SF1: variants seen among roughly 807,000 people sequenced by gnomAD.
The protein encoded by SF1 is splicing factor 1.
SF1 carries 7 observed loss-of-function variants against 62.5 expected under a neutral mutation model. The observed-to-expected ratio is 0.11, with a 90% CI of 0.06 to 0.21. The LOEUF (loss-of-function observed/expected upper bound fraction) is 0.21. SF1 is among the 10% of genes least tolerant of loss of function. The pLI is 1.00. For missense variants in SF1, 578 were observed against 884.0 expected (o/e 0.65, Z 4.39); for synonymous variants, 394 against 323.6 (o/e 1.22, Z -2.33).
chr11:64,769,399 G>A lies in SF1; in HGVS notation c.663+27C>T, dbSNP rs561102220. On this transcript the variant is annotated intron_variant, in intron 6 of 12. Coordinates refer to ENST00000377390, the MANE Select transcript of SF1 (RefSeq NM_004630.4). ...GCCTCCACCTAGGTTTCTGCTAGGAGGCTTCCTTTCTGGGCTCACCGCTCA... is the reference window on the plus strand; with the variant it reads ...GCCTCCACCTAGGTTTCTGCTAGGAAGCTTCCTTTCTGGGCTCACCGCTCA... The A allele has an allele frequency of 5.0e-6, 8 of 1,613,656 alleles. No homozygotes were observed. The Admixed American group carries it at 1.2e-4, about 24-fold the overall frequency.
At chr11:64,766,229 TG>T in intron 12 of SF1, 74 bp from the exon 13 acceptor site, 1 of 852,014 alleles carries the variant, frequency 1.2e-6, no homozygotes, top group Non-Finnish European at 1.6e-6. Context: ...TGCCTTGGGA[TG>T]GGGGCGAGGG....
At position 64,765,405 on chromosome 11, in the gene SF1, A is replaced by C; in HGVS notation, c.*413T>G. ...AAAAATAACTCAGGCTGCTTTGCCG[A>C]ACCATCCTGTCCACCAGGGGCGTTG... On this transcript the variant is annotated 3_prime_UTR_variant, in exon 13 of 13. Coordinates refer to ENST00000377390, the MANE Select transcript of SF1 (RefSeq NM_004630.4). 7.2e-7 allele frequency: 1 copy of C among 1,394,694 alleles called. No individual in the cohort carries two copies. The highest frequency in any genetic ancestry group is 1.0e-6 in the Non-Finnish European group (1 of 982,552). The allele number at this position is 1,394,694 out of a possible 1,614,324, so 86.4% of individuals were successfully genotyped here.
At chr11:64,777,810 T>C (rs1013887710) in intron 1 of SF1, 155 of 878,592 alleles carry the variant, frequency 1.8e-4, no homozygotes, top group Middle Eastern at 1.7e-3. Flanking sequence ...ACAGCGCGCG[T>C]GCGCACTCGA....
At position 64,767,577 on chromosome 11, in the gene SF1, G is replaced by A. The variant is rs931843023; in HGVS notation, c.1336C>T (p.Pro446Ser). ...PHPPGHHGPP[P>S]MDQYLGSTPV... ...TGGTCTGACACTTACTTACCCATTG[G>A]AGGAGGGCCATGGTGCCCAGGAGGG... Residue 446 changes from proline (P) to serine (S), a missense_variant, in exon 10 of 13, where the codon CCA becomes TCA. By Grantham distance (74) the Pro-to-Ser change is moderately conservative. Transcript: ENST00000377390. 8 of 1,557,194 alleles carry A rather than the reference G, an allele frequency of 5.1e-6. No homozygotes were observed. Among genetic ancestry groups the A allele is most frequent in the Non-Finnish European group, 6.9e-6 (8 of 1,155,018 alleles).
rs907888306 is a variant in SF1 at position 64,765,645 on chromosome 11, C to A, written c.*173G>T. The A allele has an allele frequency of 6.7e-6, 10 of 1,491,768 alleles. No homozygotes were observed. Among genetic ancestry groups the A allele is most frequent in the Non-Finnish European group, 8.9e-6 (10 of 1,128,706 alleles). The allele number at this position is 1,491,768 out of a possible 1,614,324, so 92.4% of individuals were successfully genotyped here. A position where few individuals can be genotyped will look rare whatever the true frequency, so the allele number is the denominator to read the frequency against. ...GCGCCCCTACTACCACCTGCCCGTT[C>A]CCAAGCGAATCCTCAGTCGCTTGGC... On this transcript the variant is annotated 3_prime_UTR_variant, in exon 13 of 13. Coordinates refer to ENST00000377390, the MANE Select transcript of SF1 (RefSeq NM_004630.4).
Position 64,766,095 on chromosome 11 carries a change from T to C in SF1, c.1643A>G (p.Gln548Arg). ...TCCTGGAGAAGCTGCGGCAGCCGCC[T>C]GCTGCTGTTGCCATGGCGGGATGGA... ...TGSIPPWQQQ[Q>R]AAAAASPGAP... Residue 548 changes from glutamine to arginine, a missense_variant, in exon 13 of 13, where the codon CAG becomes CGG. By Grantham distance (43) the Gln-to-Arg change is conservative. Around this residue, in one of 7 missense-constraint regions of SF1, gnomAD observed 410 missense variants for 452.4 expected, o/e 0.91. Coordinates refer to ENST00000377390, the MANE Select transcript of SF1 (RefSeq NM_004630.4). 1 of 1,610,906 alleles carries C rather than the reference T, an allele frequency of 6.2e-7. No homozygotes were observed.
At chr11:64,772,262 T>C in intron 3 of SF1, 1 of 984,082 alleles carries the variant, frequency 1.0e-6, no homozygotes, top group Non-Finnish European at 1.2e-6. Context: ...GACATATTAT[T>C]AAAGGGAAAA....
rs375448854 is a variant in SF1 at position 64,770,240 on chromosome 11, G to C, written c.389+16C>G. ...GCATGTGTCTTCATCCCAGATGACC[G>C]AGCCCCTCCGCTTACTTGTAATCTG... On this transcript the variant is annotated intron_variant, in intron 4 of 12. Coordinates refer to ENST00000377390, the MANE Select transcript of SF1 (RefSeq NM_004630.4). The C allele has an allele frequency of 1.2e-6, 2 of 1,608,466 alleles. No individual in the cohort carries two copies. The highest frequency in any genetic ancestry group is 1.3e-5 in the African/African-American group (1 of 74,946).
At chr11:64,771,681 C>T (rs1938342215) in intron 3 of SF1, 1 of 985,400 alleles carries the variant, frequency 1.0e-6, no homozygotes, top group South Asian at 4.7e-5. Flanking sequence ...TGAACAAAAG[C>T]AAACATACCC....
intron 3 of SF1, 200 bp downstream of exon 3, chr11:64,773,230 A>G: frequency 7.2e-7 from 1 of 1,384,886 alleles, no homozygotes; most frequent in East Asian, 3.0e-5. Context: ...TTATTCTCCC[A>G]ACATTTTTAA....
chr11:64,767,267 G>A lies in SF1; in HGVS notation c.1343-16C>T, dbSNP rs747683770. The A allele has an allele frequency of 3.7e-6, 6 of 1,613,418 alleles. No homozygotes were observed. Among genetic ancestry groups the A allele is most frequent in the Non-Finnish European group, 5.1e-6 (6 of 1,179,476 alleles). ...AGGTACTGATCTTGATGGAAGGAAA[G>A]AGCAGGGACTTAGCAGGACATTGGA... is the stretch of plus-strand genomic sequence containing the variant. On this transcript the variant is annotated splice_polypyrimidine_tract_variant and intron_variant, in intron 10 of 12. Transcript: ENST00000377390.
intron 4 of SF1, 95 bp downstream of exon 4, chr11:64,770,161 G>A (rs1938076250): frequency 6.4e-7 from 1 of 1,555,892 alleles, no homozygotes; most frequent in Non-Finnish European, 8.9e-7. Flanking sequence ...GTGACTTGAG[G>A]CAAGAGGTGA....
rs1937645218 is a variant in SF1, at chr11:64,768,100, G to T, written c.1068+6C>A. 7.5e-6 allele frequency: 12 copies of T among 1,605,736 alleles called. No individual in the cohort carries two copies. Among genetic ancestry groups the T allele is most frequent in the Non-Finnish European group, 1.0e-5 (12 of 1,176,012 alleles). ...CCAGACCAAGAGAGCCAGCCCCCAG[G>T]CTCACCGGTGGAGGTGGGTTGTTGG... On this transcript the variant is annotated splice_donor_region_variant and intron_variant, in intron 9 of 12. Coordinates refer to ENST00000377390, the MANE Select transcript of SF1 (RefSeq NM_004630.4).
At chr11:64,776,816 G>C (rs1939334923) in intron 1 of SF1, among the ~76,000 whole-genome samples, 190 bp from the exon 2 acceptor site, 1 of 152,092 alleles carries the variant, frequency 6.6e-6, no homozygotes, top group Non-Finnish European at 1.5e-5. Context: ...GCCACTACAA[G>C]GGTATGTGGT....
chr11:64,775,995 G>A (rs1341913496), intron 2 of SF1: 3 of 157,402 alleles, frequency 1.9e-5, no homozygotes, highest in Non-Finnish European at 2.8e-5. Flanking sequence ...AATAAAAAGG[G>A]GTAAATTGTA....
Position 64,768,097 on chromosome 11 carries a change from C to T in SF1, c.1068+9G>A. The T allele has an allele frequency of 6.2e-7, 1 of 1,604,544 alleles. No homozygotes were observed. The highest frequency in any genetic ancestry group is 1.7e-5 in the Admixed American group (1 of 57,996). ...AAGCCAGACCAAGAGAGCCAGCCCC[C>T]AGGCTCACCGGTGGAGGTGGGTTGT... On this transcript the variant is annotated intron_variant, in intron 9 of 12. Coordinates refer to ENST00000377390, the MANE Select transcript of SF1 (RefSeq NM_004630.4).
intron 8 of SF1, 45 bp downstream of exon 8, chr11:64,768,977 T>G: frequency 7.6e-7 from 1 of 1,315,804 alleles, no homozygotes; most frequent in African/African-American, 1.4e-5. Flanking sequence ...AAAGTTGTCC[T>G]GCACATCGCA....
chr11:64,766,855 A>ACGCCC, intron 12 of SF1, 45 bp downstream of exon 12: 1 of 528,760 alleles, frequency 1.9e-6, no homozygotes, highest in Non-Finnish European at 3.4e-6. Flanking sequence ...TGTCAGCCCC[A>ACGCCC]CCCCCATCCC....
At chr11:64,767,935 G>C (rs992713040) in intron 9 of SF1, 91 bp from the exon 10 acceptor site, 2 of 1,520,630 alleles carry the variant, frequency 1.3e-6, no homozygotes, top group Non-Finnish European at 1.8e-6. Context: ...CAGAACACAA[G>C]AACAAGGTCT....
Sources: gnomAD v4.1 joint callset for allele counts (sites outside exome capture counted in the v4.1 genomes callset) on GRCh38, gnomAD v4.1.1 for gene constraint, gnomAD v4.1.1 regional missense constraint, MANE v1.5 for transcripts, NCBI Gene and HGNC (gene_info 2026-07-23, HGNC 2026-07-21) for gene names.